Variants in MYLK observed in about 807,000 individuals in gnomAD.
MYLK encodes myosin light chain kinase, also known as myosin light chain kinase, smooth muscle.
A neutral mutation model predicts 203.4 loss-of-function variants in MYLK; 106 were observed. That is an observed-to-expected ratio of 0.52 (90% CI 0.45 to 0.61). MYLK has a LOEUF of 0.61. Ranked by LOEUF, MYLK falls within the 20% of genes least tolerant of loss-of-function variation. The pLI, the probability that MYLK is intolerant of heterozygous loss-of-function variation, is 0.00. For missense variants in MYLK, 2,072 were observed against 2,442.3 expected, an observed-to-expected ratio of 0.85 and a Z score of 3.20; for synonymous variants, 867 against 959.5, an observed-to-expected ratio of 0.90 and a Z score of 1.78.
At chr3:123,687,740 T>TG (rs1414616659) in intron 19 of MYLK, among the ~76,000 whole-genome samples, 2 of 151,984 alleles carry the variant, frequency 1.3e-5, no homozygotes, top group African/African-American at 4.8e-5. Context: ...GGTACAATCT[T>TG]GGCTCACTGT....
chr3:123,882,601 T>C (rs1048499810), intron 1 of MYLK, among the ~76,000 whole-genome samples: 1 of 152,130 alleles, frequency 6.6e-6, no homozygotes, highest in Non-Finnish European at 1.5e-5. Flanking sequence ...CAGCATCCTT[T>C]GTATCATCAG....
At chr3:123,696,014 G>A (rs2060910265) in intron 18 of MYLK, among the ~76,000 whole-genome samples, 1 of 152,184 alleles carries the variant, frequency 6.6e-6, no homozygotes, top group Admixed American at 6.5e-5. Context: ...GGTACAGGAA[G>A]AGGAAGGACA....
intron 4 of MYLK, among the ~76,000 whole-genome samples, chr3:123,763,251 C>G (rs145321980): frequency 0.01 from 1,555 of 152,328 alleles, 12 homozygotes; most frequent in Middle Eastern, 0.017. Context: ...TCAAATGCAT[C>G]AGATAACTCA....
At chr3:123,720,936 A>G (rs1243630853) in intron 13 of MYLK, among the ~76,000 whole-genome samples, 2 of 152,224 alleles carry the variant, frequency 1.3e-5, no homozygotes, top group African/African-American at 2.4e-5. Context: ...AGGAATGAGC[A>G]CAGACTTGAA....
At chr3:123,845,682 G>T (rs1353868011) in intron 2 of MYLK, among the ~76,000 whole-genome samples, 1 of 152,012 alleles carries the variant, frequency 6.6e-6, no homozygotes, top group African/African-American at 2.4e-5. Flanking sequence ...TAGAGACAGG[G>T]TCTTGCTCTG....
intron 11 of MYLK, 24 bp downstream of exon 11, chr3:123,732,872 G>T: frequency 6.2e-7 from 1 of 1,608,032 alleles, no homozygotes; most frequent in South Asian, 1.1e-5. Context: ...GAGAATGCGG[G>T]GTGACCTGGA....
At position 123,709,861 on chromosome 3, in the gene MYLK, G is replaced by A. The variant is rs370927064; in HGVS notation, c.1837C>T (p.Leu613=). The change falls in exon 14 of 34, where the codon CTG becomes TTG. Residue 613 remains leucine, a synonymous_variant. Coordinates refer to ENST00000360304, the MANE Select transcript of MYLK (RefSeq NM_053025.4). ...GTGGGCTTGCTGGGAGCCACAGGCA[G>A]AAGGTACTCACTCTTCCTGCTACTC... The part of the protein sequence containing the change: ...KKSSRKSEYL[L]PVAPSKPTAP... 14 of 1,614,104 alleles carry A rather than the reference G, an allele frequency of 8.7e-6. No homozygotes were observed. In the African/African-American group the frequency reaches 1.7e-4, roughly 20 times the overall value.
intron 11 of MYLK, among the ~76,000 whole-genome samples, chr3:123,726,309 C>T (rs2062283748): frequency 6.6e-6 from 1 of 152,208 alleles, no homozygotes; most frequent in South Asian, 2.1e-4. Context: ...AGTCACAAAA[C>T]ACCCTAGCCC....
intron 8 of MYLK, among the ~76,000 whole-genome samples, chr3:123,736,133 C>T (rs2062665445): frequency 6.6e-6 from 1 of 152,140 alleles, no homozygotes. Context: ...TCAGGTCCTC[C>T]GGTCAGGACC....
At chr3:123,707,133 G>C (rs1248799239) in intron 16 of MYLK, among the ~76,000 whole-genome samples, 2 of 152,198 alleles carry the variant, frequency 1.3e-5, no homozygotes, top group African/African-American at 4.8e-5. Context: ...GCCCCACGGA[G>C]AGGTCCACAA....
chr3:123,786,732 G>A (rs1350461360), intron 4 of MYLK, among the ~76,000 whole-genome samples: 4 of 152,046 alleles, frequency 2.6e-5, no homozygotes, highest in Non-Finnish European at 5.9e-5. Flanking sequence ...TTCACATTGC[G>A]TGCCTTATCA....
At chr3:123,861,069 G>A (rs1263547630) in intron 2 of MYLK, among the ~76,000 whole-genome samples, 1 of 151,550 alleles carries the variant, frequency 6.6e-6, no homozygotes, top group African/African-American at 2.4e-5. Flanking sequence ...GGCGGAGCCT[G>A]CAGTTAGCTG....
At chr3:123,620,121 G>T in intron 32 of MYLK, 86 bp downstream of exon 32, 63 of 1,144,046 alleles carry the variant, frequency 5.5e-5, no homozygotes, top group Middle Eastern at 2.1e-4. Flanking sequence ...AAAAAAAAAA[G>T]AACAAAACCA....
At chr3:123,751,330 T>C (rs2063185253) in intron 5 of MYLK, among the ~76,000 whole-genome samples, 1 of 152,230 alleles carries the variant, frequency 6.6e-6, no homozygotes, top group Admixed American at 6.5e-5. Flanking sequence ...AAAAATATTT[T>C]ACTTATGGTC....
At chr3:123,739,242 A>G (rs773696645) in intron 6 of MYLK, among the ~76,000 whole-genome samples, 180 bp from the exon 7 acceptor site, 4 of 152,100 alleles carry the variant, frequency 2.6e-5, no homozygotes, top group African/African-American at 7.2e-5. Flanking sequence ...ACCAAAACCT[A>G]TTTCCTCTAC....
intron 29 of MYLK, among the ~76,000 whole-genome samples, chr3:123,630,053 T>A (rs912862069): frequency 4.6e-5 from 7 of 151,420 alleles, no homozygotes; most frequent in Non-Finnish European, 7.4e-5. Flanking sequence ...TTCTGTCCCC[T>A]CCTTCCCACC....
intron 20 of MYLK, among the ~76,000 whole-genome samples, chr3:123,674,371 A>G (rs1202195368): frequency 1.3e-5 from 2 of 152,090 alleles, no homozygotes; most frequent in African/African-American, 4.8e-5. Flanking sequence ...GGCCAAAGTG[A>G]TCTTTCTCAA....
intron 5 of MYLK, among the ~76,000 whole-genome samples, chr3:123,749,063 T>C (rs1033046236): frequency 3.5e-5 from 5 of 142,952 alleles, no homozygotes; most frequent in African/African-American, 1.3e-4. Flanking sequence ...GGCAAGACCC[T>C]GTCTCAGAAA....
chr3:123,729,553 C>CT (rs2062405279), intron 11 of MYLK, among the ~76,000 whole-genome samples: 1 of 152,160 alleles, frequency 6.6e-6, no homozygotes, highest in African/African-American at 2.4e-5. Flanking sequence ...TGAAATGATG[C>CT]TCAAAATCAC....
Sources: allele counts gnomAD v4.1 joint callset (sites outside exome capture counted in the v4.1 genomes callset), GRCh38; gene constraint gnomAD v4.1.1; transcripts MANE v1.5; gene names NCBI Gene and HGNC (gene_info 2026-07-23, HGNC 2026-07-21).